Variants in CRIM1 observed in about 807,000 individuals in gnomAD.
The protein encoded by CRIM1 is cysteine-rich motor neuron 1 protein.
Under a neutral mutation model 116.4 loss-of-function variants are expected in CRIM1, and 32 were observed. That is an observed-to-expected ratio of 0.27 (90% CI 0.21 to 0.37). CRIM1 has a LOEUF of 0.37. Among genes scored for constraint, CRIM1 ranks in the 10% least tolerant of loss-of-function variants. The pLI is 1.00. For missense variants in CRIM1, 1,331 were observed against 1,354.8 expected (o/e 0.98, Z 0.28); for synonymous variants, 590 against 509.2 (o/e 1.16, Z -2.13).
intron 2 of CRIM1, among the ~76,000 whole-genome samples, chr2:36,412,558 G>T (rs1673295722): frequency 6.6e-6 from 1 of 152,076 alleles, no homozygotes; most frequent in Admixed American, 6.6e-5. Context: ...ATGCTTCATG[G>T]ATTTGTATTA....
At chr2:36,396,008 A>T (rs1034458776) in intron 1 of CRIM1, among the ~76,000 whole-genome samples, 1 of 152,180 alleles carries the variant, frequency 6.6e-6, no homozygotes, top group Non-Finnish European at 1.5e-5. Flanking sequence ...CGTGGGCTCA[A>T]GTGATCCTCC....
At chr2:36,464,409 A>G (rs1313320299) in intron 4 of CRIM1, 125 bp from the exon 5 acceptor site, 1 of 938,670 alleles carries the variant, frequency 1.1e-6, no homozygotes, top group African/African-American at 1.6e-5. Flanking sequence ...GTGACACCAG[A>G]TAAAGGAGGC....
intron 2 of CRIM1, among the ~76,000 whole-genome samples, chr2:36,438,572 G>C (rs1260007427): frequency 6.6e-6 from 1 of 152,140 alleles, no homozygotes. Context: ...CTATGAAAGT[G>C]GGCTAGATGG....
In CRIM1 at chr2:36,517,340, G is replaced by A. The variant is rs766183762; in HGVS notation, c.2004G>A (p.Val668=). The part of the protein sequence containing the change: ...CCPSCADDFV[V]QKPELSTPSI... ...GTCATTTCCCAGATGACTTTGTGGT[G>A]CAGAAGCCAGAGCTCAGTACTCCCT... Residue 668 remains valine (V), a synonymous_variant, in exon 12 of 17, where the codon GTG becomes GTA. Transcript: ENST00000280527. The A allele has an allele frequency of 1.3e-5, 21 of 1,613,938 alleles. No homozygotes were observed. Among genetic ancestry groups the A allele is most frequent in the South Asian group, 6.6e-5 (6 of 91,068 alleles).
intron 1 of CRIM1, among the ~76,000 whole-genome samples, chr2:36,388,702 C>G (rs1671352914): frequency 6.6e-6 from 1 of 152,148 alleles, no homozygotes; most frequent in African/African-American, 2.4e-5. Flanking sequence ...CTAGGTTAGG[C>G]AGAACTGTGA....
At chr2:36,396,906 A>G (rs1427426640) in intron 2 of CRIM1, 119 bp downstream of exon 2, 5 of 854,728 alleles carry the variant, frequency 5.8e-6, no homozygotes, top group African/African-American at 5.1e-5. Flanking sequence ...GGTAGTTTGT[A>G]TAATCCCAAC....
At chr2:36,395,743 T>C (rs1278148784) in intron 1 of CRIM1, among the ~76,000 whole-genome samples, 1 of 152,162 alleles carries the variant, frequency 6.6e-6, no homozygotes, top group Admixed American at 6.5e-5. Context: ...ACTTTAGTTT[T>C]TTTGTTGTTT....
chr2:36,499,643 C>A (rs561667631), intron 8 of CRIM1, among the ~76,000 whole-genome samples: 1 of 152,054 alleles, frequency 6.6e-6, no homozygotes, highest in Non-Finnish European at 1.5e-5. Flanking sequence ...CCCTTTAGTA[C>A]ACTTGCCAGG....
rs114122842 is a variant in CRIM1, at chr2:36,489,268, C to T, written c.1372+9574C>T. 6.3e-3 allele frequency among the ~76,000 whole-genome samples: 962 copies of T among 152,252 alleles called. 5 individuals carry two copies. Among genetic ancestry groups the T allele is most frequent in the Middle Eastern group, 0.024 (7 of 294 alleles). ...TCATGTTGTTTTTCACCTTAATGGA[C>T]AGCTATTGCCCTGCATGTCAGCTCA... On this transcript the variant is annotated intron_variant, in intron 7 of 16. Transcript: ENST00000280527.
chr2:36,356,314 AG>A lies in CRIM1; in HGVS notation c.27del (p.Leu10TrpfsTer126). MYLVAGD[R>X]GLAGCGHLLV... ...GAGGATGTACTTGGTGGCGGGGGAC[AG>A]GGGGTTGGCCGGCTGCGGGCACCTC... On this transcript the variant is annotated frameshift_variant, in exon 1 of 17. Coordinates refer to ENST00000280527, the MANE Select transcript of CRIM1 (RefSeq NM_016441.3). LOFTEE classifies it high-confidence loss of function. This position sits in a 1 kb window ranked among gnomAD's most constrained non-coding sequence, Gnocchi z 4.3. The A allele has an allele frequency of 1.3e-6, 2 of 1,562,680 alleles. No homozygotes were observed. Among genetic ancestry groups the A allele is most frequent in the Non-Finnish European group, 8.6e-7 (1 of 1,156,740 alleles).
In CRIM1 at chr2:36,550,021, A is replaced by C. The variant is rs1245967975; in HGVS notation, c.*1320A>C. 1 of 151,098 alleles carries C rather than the reference A, an allele frequency of 6.6e-6. No homozygotes were observed. The highest frequency in any genetic ancestry group is 2.5e-5 in the African/African-American group (1 of 40,634). 9.4% of individuals were successfully genotyped at this position (151,098 alleles called of 1,614,324 possible). A position where few individuals can be genotyped will look rare whatever the true frequency, so the allele number is the denominator to read the frequency against. On this transcript the variant is annotated 3_prime_UTR_variant, in exon 17 of 17. Transcript: ENST00000280527. ...TTCTACCTGCAGTTTAATTGGAAAG[A>C]TGTGTGTGTGAGAGTATGTATGTGT...
At chr2:36,491,049 T>C (rs1295360969) in intron 7 of CRIM1, among the ~76,000 whole-genome samples, 1 of 152,232 alleles carries the variant, frequency 6.6e-6, no homozygotes, top group Non-Finnish European at 1.5e-5. Flanking sequence ...GATGAGCTCC[T>C]GAGTTGAATG....
chr2:36,442,854 A>G (rs976875180), intron 4 of CRIM1, 119 bp downstream of exon 4: 4 of 1,186,178 alleles, frequency 3.4e-6, no homozygotes, highest in Non-Finnish European at 4.9e-6. Context: ...TTTCTCTGGA[A>G]GAAATCACTG....
At chr2:36,422,077 G>C (rs1674109815) in intron 2 of CRIM1, among the ~76,000 whole-genome samples, 1 of 151,290 alleles carries the variant, frequency 6.6e-6, no homozygotes, top group Non-Finnish European at 1.5e-5. Flanking sequence ...AATGTCAAAA[G>C]GAACATTACA....
At chr2:36,441,775 G>A (rs1016583378) in intron 3 of CRIM1, among the ~76,000 whole-genome samples, 1 of 152,098 alleles carries the variant, frequency 6.6e-6, no homozygotes, top group African/African-American at 2.4e-5. Context: ...TGACTGGGGA[G>A]GTAGGGTTAA....
intron 1 of CRIM1, among the ~76,000 whole-genome samples, chr2:36,375,395 ATAT>A (rs1392007188): frequency 1.3e-5 from 2 of 152,206 alleles, no homozygotes; most frequent in African/African-American, 4.8e-5. Flanking sequence ...ACCTGTTGTA[ATAT>A]TTCAGGTTGA....
intron 1 of CRIM1, among the ~76,000 whole-genome samples, chr2:36,385,084 GAA>G (rs58860535): frequency 0.013 from 1,764 of 138,158 alleles, 37 homozygotes; most frequent in African/African-American, 0.045. Flanking sequence ...TTGCTTCACT[GAA>G]AAAAAAAAAA....
chr2:36,494,759 G>A (rs1332739414), intron 7 of CRIM1, among the ~76,000 whole-genome samples: 2 of 152,256 alleles, frequency 1.3e-5, no homozygotes, highest in African/African-American at 4.8e-5. Flanking sequence ...TTCTCCACAA[G>A]GAAGCTGTTG....
At position 36,550,038 on chromosome 2, in the gene CRIM1, T is replaced by C. The variant is rs996478753; in HGVS notation, c.*1337T>C. On this transcript the variant is annotated 3_prime_UTR_variant, in exon 17 of 17. Transcript: ENST00000280527. Reference sequence around the variant, plus strand: ...TTGGAAAGATGTGTGTGTGAGAGTATGTATGTGTGTGTGTGTGTGTGTGTG... The same window carrying C: ...TTGGAAAGATGTGTGTGTGAGAGTACGTATGTGTGTGTGTGTGTGTGTGTG... The C allele has an allele frequency of 4.1e-5, 6 of 144,658 alleles. No individual in the cohort carries two copies. Among genetic ancestry groups the C allele is most frequent in the African/African-American group, 1.6e-4 (6 of 36,890 alleles). 9.0% of individuals were successfully genotyped at this position (144,658 alleles called of 1,614,324 possible). A position where few individuals can be genotyped will look rare whatever the true frequency, so the allele number is the denominator to read the frequency against.
Sources: allele counts gnomAD v4.1 joint callset (sites outside exome capture counted in the v4.1 genomes callset), GRCh38; gene constraint gnomAD v4.1.1; non-coding constraint Gnocchi (gnomAD v3.1); transcripts MANE v1.5; gene names NCBI Gene and HGNC (gene_info 2026-07-23, HGNC 2026-07-21).